TDP1: variants seen among roughly 807,000 people sequenced by gnomAD.
TDP1 encodes tyrosyl-DNA phosphodiesterase 1, also known as tyr-DNA phosphodiesterase 1.
Under a neutral mutation model 81.5 loss-of-function variants are expected in TDP1, and 64 were observed. The observed-to-expected ratio is 0.79, with a 90% CI of 0.64 to 0.97. TDP1 has a LOEUF of 0.97. TDP1 is among the 50% of genes least tolerant of loss of function. TDP1 has a pLI of 0.00. For synonymous variants in TDP1, 256 were observed against 264.3 expected (o/e 0.97, Z 0.30); for missense variants, 723 against 743.8 (o/e 0.97, Z 0.33).
intron 1 of TDP1, chr14:89,956,367 C>T (rs1233398412): frequency 2.0e-5 from 3 of 152,342 alleles, no homozygotes; most frequent in African/African-American, 2.4e-5. Flanking sequence ...TATAGGAGGA[C>T]GGTCACGGTA....
chr14:90,020,963 T>G (rs1329366841), intron 15 of TDP1, among the ~76,000 whole-genome samples: 1 of 151,540 alleles, frequency 6.6e-6, no homozygotes, highest in Non-Finnish European at 1.5e-5. Context: ...GTCCAGCTAA[T>G]TTTTGTATTT....
At chr14:89,960,157 A>G (rs1210702980) in intron 2 of TDP1, among the ~76,000 whole-genome samples, 1 of 152,212 alleles carries the variant, frequency 6.6e-6, no homozygotes, top group Non-Finnish European at 1.5e-5. Flanking sequence ...AGATAACTTT[A>G]AAGTCACGAA....
chr14:90,038,991 C>T (rs1888098939), intron 16 of TDP1, among the ~76,000 whole-genome samples: 1 of 151,496 alleles, frequency 6.6e-6, no homozygotes, highest in African/African-American at 2.4e-5. Flanking sequence ...TGTTTCATAG[C>T]ACAAACAGAA....
At chr14:89,967,186 T>G in intron 4 of TDP1, 181 bp from the exon 5 acceptor site, 1 of 903,658 alleles carries the variant, frequency 1.1e-6, no homozygotes. Flanking sequence ...CTTTTAACCA[T>G]GCATTTAAGA....
intron 14 of TDP1, among the ~76,000 whole-genome samples, chr14:90,017,994 C>T (rs915380443): frequency 6.6e-6 from 1 of 152,084 alleles, no homozygotes. Flanking sequence ...CTTAAGTCAG[C>T]CTAATCGCTT....
At chr14:90,035,911 G>C (rs1350306689) in intron 16 of TDP1, among the ~76,000 whole-genome samples, 1 of 151,580 alleles carries the variant, frequency 6.6e-6, no homozygotes, top group Non-Finnish European at 1.5e-5. Flanking sequence ...GGACTAAGAA[G>C]GCAAAAATGG....
At chr14:89,977,037 C>T (rs956496807) in intron 7 of TDP1, among the ~76,000 whole-genome samples, 2 of 152,052 alleles carry the variant, frequency 1.3e-5, no homozygotes, top group African/African-American at 4.8e-5. Context: ...TGCCTATAAT[C>T]CCAGCTACAT....
intron 16 of TDP1, among the ~76,000 whole-genome samples, chr14:90,040,370 C>T (rs998541855): frequency 6.6e-6 from 1 of 152,218 alleles, no homozygotes; most frequent in African/African-American, 2.4e-5. Context: ...ATGCATATTG[C>T]CAGGCCACAA....
At chr14:89,982,811 A>C (rs566416326) in intron 8 of TDP1, among the ~76,000 whole-genome samples, 1 of 152,148 alleles carries the variant, frequency 6.6e-6, no homozygotes, top group African/African-American at 2.4e-5. Context: ...TCTACTCTCT[A>C]ATGTTTTGCA....
chr14:90,032,656 T>G, intron 15 of TDP1: 1 of 769,530 alleles, frequency 1.3e-6, no homozygotes, highest in Non-Finnish European at 1.6e-6. Context: ...TTCTGTCACA[T>G]TATATTGGAA....
At chr14:90,002,441 G>C (rs953872404) in intron 14 of TDP1, among the ~76,000 whole-genome samples, 1 of 152,150 alleles carries the variant, frequency 6.6e-6, no homozygotes, top group African/African-American at 2.4e-5. Flanking sequence ...ACAGTATGCT[G>C]TGTTTAATAT....
At chr14:90,030,619 T>G (rs1308013013) in intron 15 of TDP1, among the ~76,000 whole-genome samples, 2 of 152,220 alleles carry the variant, frequency 1.3e-5, no homozygotes, top group Middle Eastern at 3.2e-3. Flanking sequence ...TTTGCTCTTA[T>G]GCAGAAACTT....
chr14:89,968,905 G>T (rs1893262093), intron 5 of TDP1, among the ~76,000 whole-genome samples: 1 of 152,224 alleles, frequency 6.6e-6, no homozygotes, highest in Admixed American at 6.5e-5. Context: ...CTTATTTGGA[G>T]ATAGAGCCCT....
chr14:89,984,758 A>G, intron 9 of TDP1, 75 bp downstream of exon 9: 3 of 1,603,054 alleles, frequency 1.9e-6, no homozygotes, highest in East Asian at 2.2e-5. Context: ...TCTGGCATGC[A>G]GGGGCCTGGA....
At chr14:90,002,323 C>T (rs1009046153) in intron 14 of TDP1, among the ~76,000 whole-genome samples, 5 of 152,334 alleles carry the variant, frequency 3.3e-5, no homozygotes, top group Middle Eastern at 3.4e-3. Context: ...TTGCCACTTA[C>T]TAGCCTTGCC....
chr14:90,041,713 C>T (rs1888375643), intron 16 of TDP1, among the ~76,000 whole-genome samples: 1 of 152,188 alleles, frequency 6.6e-6, no homozygotes, highest in African/African-American at 2.4e-5. Flanking sequence ...TTCTCTAACA[C>T]TTACCAAGAC....
chr14:90,009,542 G>C (rs1298042315), intron 14 of TDP1, among the ~76,000 whole-genome samples: 1 of 152,182 alleles, frequency 6.6e-6, no homozygotes. Context: ...TTTCAGGATA[G>C]TGGTTTGGGG....
At chr14:90,018,155 C>T (rs1205678194) in intron 14 of TDP1, among the ~76,000 whole-genome samples, 8 of 151,788 alleles carry the variant, frequency 5.3e-5, no homozygotes, top group Non-Finnish European at 1.5e-5. Context: ...GCACATAGCT[C>T]AGAAAACATA....
chr14:90,012,006 A>G (rs1479284424), intron 14 of TDP1, among the ~76,000 whole-genome samples: 1 of 152,210 alleles, frequency 6.6e-6, no homozygotes, highest in Non-Finnish European at 1.5e-5. Flanking sequence ...CTGGAAGCCT[A>G]GGAGGAAATG....
Sources: gnomAD v4.1 joint callset for allele counts (sites outside exome capture counted in the v4.1 genomes callset) on GRCh38, gnomAD v4.1.1 for gene constraint, MANE v1.5 for transcripts, NCBI Gene and HGNC (gene_info 2026-07-23, HGNC 2026-07-21) for gene names.